The following CDK12 variants were observed in gnomAD, a reference collection of about 807,000 sequenced individuals.
CDK12 encodes the protein cyclin-dependent kinase 12.
Under a neutral mutation model 133.8 loss-of-function variants are expected in CDK12, and 17 were observed. That is an observed-to-expected ratio of 0.13 (90% CI 0.09 to 0.19). The LOEUF is 0.19. Among genes scored for constraint, CDK12 ranks in the 10% least tolerant of loss-of-function variants. The pLI is 1.00. For synonymous variants in CDK12, 694 were observed against 683.6 expected (o/e 1.02, Z -0.24); for missense variants, 1,508 against 1,818.7 (o/e 0.83, Z 3.11).
At position 39,534,029 on chromosome 17, in the gene CDK12, A is replaced by G. The variant is rs2055015489; in HGVS notation, c.*2713A>G. On this transcript the variant is annotated 3_prime_UTR_variant, in exon 14 of 14. Transcript: ENST00000447079. Reference sequence around the variant, plus strand: ...CTATTAAATACATTATTTTGAACAGATGAGAAATCTGATTCTGTTCATGAG... The same window carrying G: ...CTATTAAATACATTATTTTGAACAGGTGAGAAATCTGATTCTGTTCATGAG... The G allele has an allele frequency of 4.3e-6, 1 of 232,520 alleles. No homozygotes were observed. Among genetic ancestry groups the G allele is most frequent in the Non-Finnish European group, 8.5e-6 (1 of 117,610 alleles). The allele number at this position is 232,520 out of a possible 1,614,324, so 14.4% of individuals were successfully genotyped here.
At chr17:39,484,602 T>A (rs2050971227) in intron 2 of CDK12, among the ~76,000 whole-genome samples, 1 of 152,198 alleles carries the variant, frequency 6.6e-6, no homozygotes, top group Non-Finnish European at 1.5e-5. Context: ...AAATTGTATA[T>A]CCTGAACTGG....
At chr17:39,553,292 C>T (rs1348548509) in intron 2 of CDK12, among the ~76,000 whole-genome samples, 1 of 151,992 alleles carries the variant, frequency 6.6e-6, no homozygotes, top group African/African-American at 2.4e-5. Flanking sequence ...TTAAGCAGGT[C>T]CCCTCTCTGT....
At chr17:39,496,838 C>CATAT (rs2052154579) in intron 5 of CDK12, among the ~76,000 whole-genome samples, 1 of 149,186 alleles carries the variant, frequency 6.7e-6, no homozygotes, top group African/African-American at 2.5e-5. Context: ...TATTTAATGT[C>CATAT]AGATTCCTTT....
At chr17:39,473,826 A>G (rs1412947029) in intron 2 of CDK12, among the ~76,000 whole-genome samples, 1 of 151,952 alleles carries the variant, frequency 6.6e-6, no homozygotes, top group Non-Finnish European at 1.5e-5. Context: ...TGGAGGTTGC[A>G]GTGAGCTGAG....
chr17:39,548,525 G>C (rs2055821088), upstream of CDK12, among the ~76,000 whole-genome samples: 1 of 152,214 alleles, frequency 6.6e-6, no homozygotes, highest in South Asian at 2.1e-4. Context: ...AAAGTGTTTT[G>C]TTAGTGAGAA....
exon 1 of CDK12, chr17:39,550,402 G>A (rs1313360917): frequency 6.6e-6 from 1 of 152,238 alleles, no homozygotes; most frequent in Non-Finnish European, 1.5e-5. Flanking sequence ...TATACTGGTT[G>A]ACTCAGGTCT....
intron 2 of CDK12, among the ~76,000 whole-genome samples, chr17:39,473,930 G>A (rs892780984): frequency 2.0e-5 from 3 of 151,874 alleles, no homozygotes; most frequent in Non-Finnish European, 4.4e-5. Flanking sequence ...GGTGGCAGGC[G>A]CCTGTAATCC....
chr17:39,478,104 C>T (rs1333377731), intron 2 of CDK12, among the ~76,000 whole-genome samples: 2 of 150,880 alleles, frequency 1.3e-5, no homozygotes, highest in African/African-American at 2.4e-5. Flanking sequence ...GCTATGTTGC[C>T]CAGGTTTGTC....
chr17:39,526,454 C>T lies in CDK12; in HGVS notation c.3760+138C>T, dbSNP rs1281299558. On this transcript the variant is annotated intron_variant, in intron 13 of 13. Transcript: ENST00000447079. ...TAACCTAGTCTACAGGAGAACATAG[C>T]ACCAAGTAATGTATTTCTTGCTTGG... The T allele has an allele frequency of 7.6e-6, 5 of 661,610 alleles. No individual in the cohort carries two copies. The East Asian group carries it at 8.1e-5, about 11-fold the overall frequency. The allele number at this position is 661,610 out of a possible 1,614,324, so 41.0% of individuals were successfully genotyped here.
intron 2 of CDK12, among the ~76,000 whole-genome samples, chr17:39,551,542 T>G (rs2055956071): frequency 6.6e-6 from 1 of 152,208 alleles, no homozygotes; most frequent in Non-Finnish European, 1.5e-5. Flanking sequence ...AATAAGCCAC[T>G]GGAGAAACTT....
intron 7 of CDK12, among the ~76,000 whole-genome samples, chr17:39,510,613 C>G (rs1183617439): frequency 7.0e-6 from 1 of 143,694 alleles, no homozygotes; most frequent in Non-Finnish European, 1.5e-5. Context: ...CTTCTCTTCT[C>G]CTCCTTTTTC....
rs768830135 is a variant in CDK12, at chr17:39,462,761, C to T, written c.690C>T (p.Ser230=). 4 of 1,614,136 alleles carry T rather than the reference C, an allele frequency of 2.5e-6. No individual in the cohort carries two copies. Among genetic ancestry groups the T allele is most frequent in the African/African-American group, 1.3e-5 (1 of 75,044 alleles). ...GCCCCCACAGGAAGTGGTCTGACAG[C>T]TCCAAACAAGATGATAGCCCCTCGG... The part of the protein sequence containing the change: ...SRSPHRKWSD[S]SKQDDSPSGA... Residue 230 remains serine, a synonymous_variant, in exon 1 of 14, where the codon AGC becomes AGT. Coordinates refer to ENST00000447079, the MANE Select transcript of CDK12 (RefSeq NM_016507.4).
chr17:39,509,418 A>G (rs1440656933), intron 6 of CDK12, among the ~76,000 whole-genome samples: 1 of 152,244 alleles, frequency 6.6e-6, no homozygotes, highest in Non-Finnish European at 1.5e-5. Context: ...AGTCAAATTC[A>G]GAAAATGTAA....
In CDK12 at chr17:39,563,379, GA is replaced by G. The variant is rs1429746535; in HGVS notation, n.485-1380del. Among the ~76,000 whole-genome samples, 4 of 148,474 alleles carry G rather than the reference GA, an allele frequency of 2.7e-5. No individual in the cohort carries two copies. In the East Asian group the frequency reaches 7.9e-4, roughly 29 times the overall value. ...GGGATACCCACATGTAAATATCTGAGAGAACTCAATATTCTCTCTCTCTCTC... is the reference window on the plus strand; with the variant it reads ...GGGATACCCACATGTAAATATCTGAGGAACTCAATATTCTCTCTCTCTCTC... On this transcript the variant is annotated intron_variant and non_coding_transcript_variant, in intron 3 of 3. Transcript: ENST00000558240.
chr17:39,483,860 T>A (rs1214631885), intron 2 of CDK12, among the ~76,000 whole-genome samples: 1 of 151,904 alleles, frequency 6.6e-6, no homozygotes, highest in Non-Finnish European at 1.5e-5. Flanking sequence ...TTTTTTTTGT[T>A]TGAGACAGGA....
intron 13 of CDK12, among the ~76,000 whole-genome samples, chr17:39,527,942 GTCTC>G (rs529322856): frequency 3.8e-4 from 58 of 151,930 alleles, no homozygotes; most frequent in Admixed American, 1.3e-3. Context: ...TTGAGACAGA[GTCTC>G]TCTCTGTCAC....
chr17:39,498,892 T>C (rs1361709979), intron 5 of CDK12, among the ~76,000 whole-genome samples: 43 of 54 alleles, frequency 0.8, 18 homozygotes, highest in African/African-American at 0.8. Flanking sequence ...TCTTTCTTTC[T>C]TTCTTTCTTT....
chr17:39,478,669 A>G (rs1007223589), intron 2 of CDK12, among the ~76,000 whole-genome samples: 2 of 152,132 alleles, frequency 1.3e-5, no homozygotes, highest in Non-Finnish European at 2.9e-5. Context: ...TGTTTCTACC[A>G]TTAAACAAGA....
intron 2 of CDK12, among the ~76,000 whole-genome samples, chr17:39,487,482 C>T (rs533404218): frequency 2.0e-5 from 3 of 152,036 alleles, no homozygotes; most frequent in Admixed American, 6.6e-5. Flanking sequence ...GTTCTCAGAT[C>T]TTTTTCAACC....
Sources: allele counts gnomAD v4.1 joint callset (sites outside exome capture counted in the v4.1 genomes callset), GRCh38; gene constraint gnomAD v4.1.1; transcripts MANE v1.5; gene names NCBI Gene and HGNC (gene_info 2026-07-23, HGNC 2026-07-21).